LSM6: variants seen among roughly 807,000 people sequenced by gnomAD.
The protein encoded by LSM6 is U6 snRNA-associated Sm-like protein LSm6.
LSM6 carries 2 observed loss-of-function variants against 13.5 expected under a neutral mutation model. The observed-to-expected ratio is 0.15, with a 90% CI of 0.06 to 0.47. The LOEUF is 0.47. Among genes scored for constraint, LSM6 ranks in the 20% least tolerant of loss-of-function variants. The probability of loss-of-function intolerance (pLI) is 0.97; values close to 1 mark genes in which losing one functional copy is unlikely to be tolerated. For missense variants in LSM6, 58 were observed against 96.4 expected (o/e 0.60, Z 1.67); for synonymous variants, 43 against 34.9 (o/e 1.23, Z -0.82).
chr4:146,179,056 A>G lies in LSM6; in HGVS notation c.-11+3245A>G, dbSNP rs28590167. 9.9e-3 allele frequency among the ~76,000 whole-genome samples: 1,515 copies of G among 152,304 alleles called. 22 individuals carry two copies. The highest frequency in any genetic ancestry group is 0.034 in the African/African-American group (1,424 of 41,544). On this transcript the variant is annotated intron_variant, in intron 1 of 3. Coordinates refer to ENST00000296581, the MANE Select transcript of LSM6 (RefSeq NM_007080.3). The stretch of plus-strand genomic sequence containing the variant: ...AAATTCCCTGCAGGGCACTTTGCAG[A>G]TGTTTTCATACTAGACCTCTCAGTA...
Position 146,190,035 on chromosome 4 carries a change from ATTTTGGAGGAATCCTCC to A in LSM6, c.*383_*399del. 6.0e-6 allele frequency: 1 copy of A among 166,936 alleles called. No individual in the cohort carries two copies. Among genetic ancestry groups the A allele is most frequent in the East Asian group, 1.7e-4 (1 of 5,786 alleles). The allele number at this position is 166,936 out of a possible 1,614,324, so 10.3% of individuals were successfully genotyped here. On this transcript the variant is annotated 3_prime_UTR_variant, in exon 4 of 4. Coordinates refer to ENST00000296581, the MANE Select transcript of LSM6 (RefSeq NM_007080.3). ...TATTGTATGGACATATAATTAAAACATTTTGGAGGAATCCTCCTTTATTGCATCCTTTTCTGTTCATA... is the reference window on the plus strand; with the variant it reads ...TATTGTATGGACATATAATTAAAACATTTATTGCATCCTTTTCTGTTCATA...
chr4:146,177,946 G>T (rs1370802832), intron 1 of LSM6, among the ~76,000 whole-genome samples: 3 of 152,222 alleles, frequency 2.0e-5, no homozygotes, highest in African/African-American at 7.2e-5. Context: ...AAAATACAGT[G>T]CCTTTACCTG....
At chr4:146,181,615 AT>A (rs1197130780) in intron 1 of LSM6, among the ~76,000 whole-genome samples, 1 of 152,214 alleles carries the variant, frequency 6.6e-6, no homozygotes, top group East Asian at 1.9e-4. Context: ...TAATGAAAAA[AT>A]AATGGAAGAA....
chr4:146,182,195 C>A (rs1730247103), intron 1 of LSM6, among the ~76,000 whole-genome samples: 1 of 152,104 alleles, frequency 6.6e-6, no homozygotes, highest in Non-Finnish European at 1.5e-5. Context: ...AAAAACAATA[C>A]CTCCCTTTTA....
rs1730425505 is a variant in LSM6 at position 146,189,628 on chromosome 4, A to T, written c.215A>T (p.Tyr72Phe). 6.3e-7 allele frequency: 1 copy of T among 1,595,490 alleles called. No individual in the cohort carries two copies. Among genetic ancestry groups the T allele is most frequent in the African/African-American group, 1.3e-5 (1 of 74,212 alleles). The change falls in exon 4 of 4, where the codon TAC becomes TTC. Residue 72 changes from tyrosine (Y) to phenylalanine (F), a missense_variant. This residue lies in a region of LSM6 where 23 missense variants were observed against 27.5 expected (regional missense o/e 0.84). Coordinates refer to ENST00000296581, the MANE Select transcript of LSM6 (RefSeq NM_007080.3). ...DAFIRGNNVL[Y>F]ISTQKRRM The stretch of plus-strand genomic sequence containing the variant: ...TGTATTTTTTTCTTTTCAGTGTTGT[A>T]CATCAGTACACAGAAGAGACGGATG...
chr4:146,185,839 C>T (rs559779280), intron 2 of LSM6, among the ~76,000 whole-genome samples: 8 of 152,030 alleles, frequency 5.3e-5, no homozygotes, highest in Admixed American at 1.3e-4. Flanking sequence ...CAAGTTCAGA[C>T]GATTCTCCTG....
intron 1 of LSM6, among the ~76,000 whole-genome samples, chr4:146,182,689 A>G (rs758760639): frequency 2.3e-4 from 35 of 152,266 alleles, no homozygotes; most frequent in Non-Finnish European, 4.1e-4. Context: ...TGTTGTGGGT[A>G]CTGATAAGAT....
chr4:146,183,234 A>C, intron 2 of LSM6: 2 of 419,072 alleles, frequency 4.8e-6, no homozygotes, highest in South Asian at 2.5e-5. Context: ...GATTTGTGTG[A>C]CTTCTGTCTC....
At position 146,191,080 on chromosome 4, in the gene LSM6, A is replaced by G. The variant is rs1730459812; in HGVS notation, c.*1424A>G. ...GTTTTACCGTGTGCACACTGAAAAT[A>G]AAACACTTTATGCTATGCTTCAATA... On this transcript the variant is annotated 3_prime_UTR_variant, in exon 4 of 4. Transcript: ENST00000296581. The G allele has an allele frequency of 2.0e-5, 3 of 152,120 alleles. No individual in the cohort carries two copies. In the South Asian group the frequency reaches 6.2e-4, roughly 32 times the overall value. The allele number at this position is 152,120 out of a possible 1,614,324, so 9.4% of individuals were successfully genotyped here. A position where few individuals can be genotyped will look rare whatever the true frequency, so the allele number is the denominator to read the frequency against.
At chr4:146,183,137 T>TA in intron 2 of LSM6, 122 bp downstream of exon 2, 1 of 634,396 alleles carries the variant, frequency 1.6e-6, no homozygotes, top group Admixed American at 2.6e-5. Flanking sequence ...CAGTAGTTTT[T>TA]ATGCATATAT....
intron 2 of LSM6, 93 bp downstream of exon 2, chr4:146,183,108 C>A: frequency 1.2e-6 from 1 of 843,056 alleles, no homozygotes; most frequent in South Asian, 1.5e-5. Flanking sequence ...ACCCAATAGG[C>A]CAAAAAAGTA....
rs1730433228 is a variant in LSM6, at chr4:146,189,903, G to A, written c.*247G>A. The stretch of plus-strand genomic sequence containing the variant: ...CAGAATGCTAAAATAATTAAAAAAA[G>A]ACAAAATATACCTCTTCCTACAAGA... On this transcript the variant is annotated 3_prime_UTR_variant, in exon 4 of 4. Coordinates refer to ENST00000296581, the MANE Select transcript of LSM6 (RefSeq NM_007080.3). 1 of 389,534 alleles carries A rather than the reference G, an allele frequency of 2.6e-6. No individual in the cohort carries two copies. Among genetic ancestry groups the A allele is most frequent in the African/African-American group, 2.1e-5 (1 of 47,572 alleles). The allele number at this position is 389,534 out of a possible 1,614,324, so 24.1% of individuals were successfully genotyped here.
intron 1 of LSM6, among the ~76,000 whole-genome samples, chr4:146,177,304 T>C (rs1410899431): frequency 6.6e-6 from 1 of 152,212 alleles, no homozygotes; most frequent in Admixed American, 6.5e-5. Flanking sequence ...TACTAGAATT[T>C]AAAAATTTGT....
chr4:146,176,498 A>G (rs771767804), intron 1 of LSM6: 1 of 152,248 alleles, frequency 6.6e-6, no homozygotes, highest in Non-Finnish European at 1.5e-5. Context: ...ATACGTGACT[A>G]TTGTAGAAAA....
rs74537062 is a variant in LSM6 at position 146,177,372 on chromosome 4, G to A, written c.-11+1561G>A. ...AGTGTACTAACAGATTTTAATCATC[G>A]GAGAGACCTGTAACACTGAAAAATT... On this transcript the variant is annotated intron_variant, in intron 1 of 3. Coordinates refer to ENST00000296581, the MANE Select transcript of LSM6 (RefSeq NM_007080.3). Among the ~76,000 whole-genome samples the A allele has an allele frequency of 2.6e-3, 395 of 152,160 alleles. 10 individuals are homozygous for A. In the East Asian group the frequency reaches 0.065, roughly 25 times the overall value.
intron 1 of LSM6, among the ~76,000 whole-genome samples, chr4:146,178,769 A>AT (rs60064154): frequency 1.3e-5 from 2 of 152,018 alleles, no homozygotes; most frequent in East Asian, 3.9e-4. Context: ...CACGTTAGGT[A>AT]TTTTTTTTCC....
intron 2 of LSM6, among the ~76,000 whole-genome samples, chr4:146,185,978 C>G (rs991154764): frequency 6.6e-6 from 1 of 152,184 alleles, no homozygotes; most frequent in Non-Finnish European, 1.5e-5. Context: ...CTCAAGTGAT[C>G]TGCCAGCTTC....
chr4:146,189,503 G>A (rs1730421938), intron 3 of LSM6, 119 bp from the exon 4 acceptor site: 2 of 668,722 alleles, frequency 3.0e-6, no homozygotes, highest in Non-Finnish European at 5.3e-6. Flanking sequence ...AATGATACGA[G>A]AATTCCTTTT....
In LSM6 at chr4:146,185,775, C is replaced by T. The variant is rs147961851; in HGVS notation, c.95-1499C>T. On this transcript the variant is annotated intron_variant, in intron 2 of 3. Coordinates refer to ENST00000296581, the MANE Select transcript of LSM6 (RefSeq NM_007080.3). ...TTTTTGAGACCGAGTCTCACTCTTT[C>T]GCCCAGGCTGGAGTGCAGTGGCTCA... 2.3e-4 allele frequency among the ~76,000 whole-genome samples: 35 copies of T among 150,788 alleles called. 1 individual carries two copies. The East Asian group carries it at 5.6e-3, about 24-fold the overall frequency.
Sources: gnomAD v4.1 joint callset for allele counts (sites outside exome capture counted in the v4.1 genomes callset) on GRCh38, gnomAD v4.1.1 for gene constraint, gnomAD v4.1.1 regional missense constraint, MANE v1.5 for transcripts, NCBI Gene and HGNC (gene_info 2026-07-23, HGNC 2026-07-21) for gene names.